The following MYB variants were observed in gnomAD, a reference collection of about 807,000 sequenced individuals.
MYB encodes transcriptional activator Myb.
In MYB, 28 loss-of-function variants were observed where a neutral mutation model predicts 92.9. The observed-to-expected ratio is 0.30, with a 90% CI of 0.22 to 0.41. The LOEUF (loss-of-function observed/expected upper bound fraction) is 0.41. Ranked by LOEUF, MYB falls within the 10% of genes least tolerant of loss-of-function variation. MYB has a pLI of 1.00. For missense variants in MYB, 679 were observed against 929.3 expected, an observed-to-expected ratio of 0.73 and a Z score of 3.50; for synonymous variants, 295 against 329.1, an observed-to-expected ratio of 0.90 and a Z score of 1.12.
chr6:135,193,311 T>A (rs1467263583), intron 6 of MYB, among the ~76,000 whole-genome samples: 1 of 152,206 alleles, frequency 6.6e-6, no homozygotes, highest in Non-Finnish European at 1.5e-5. Flanking sequence ...AGAGCTCATA[T>A]GCAAATTATA....
At chr6:135,191,102 C>G (rs757024548) in intron 5 of MYB, among the ~76,000 whole-genome samples, 5 of 152,214 alleles carry the variant, frequency 3.3e-5, no homozygotes, top group African/African-American at 9.7e-5. Flanking sequence ...CACCAGTATT[C>G]ATTTCATTAT....
intron 15 of MYB, among the ~76,000 whole-genome samples, chr6:135,208,546 G>GT (rs567088347): frequency 0.57 from 77,023 of 134,586 alleles, 22,560 homozygotes; most frequent in African/African-American, 0.75. Context: ...TGCCCAGCTA[G>GT]TTTTTTTTTT....
intron 15 of MYB, among the ~76,000 whole-genome samples, chr6:135,204,108 G>A (rs191197238): frequency 1.3e-5 from 2 of 152,276 alleles, no homozygotes; most frequent in Admixed American, 1.3e-4. Flanking sequence ...GAAGAGCCTG[G>A]ATTCAGAAGC....
At chr6:135,194,882 A>G (rs1355475134) in intron 8 of MYB, 3 of 1,189,548 alleles carry the variant, frequency 2.5e-6, no homozygotes, top group Admixed American at 2.8e-5. Flanking sequence ...CATGTTCAGT[A>G]TATACATGTA....
rs758697644 is a variant in MYB at position 135,200,402 on chromosome 6, A to G, written c.1937A>G (p.Lys646Arg). ...GAAAATGGACCACCCTTACTGAAGA[A>G]AATCAAACAAGAGGTAAACACGCAA... Reference protein sequence around the residue: ...FQENGPPLLKKIKQEVESPTD... With the variant: ...FQENGPPLLKRIKQEVESPTD... The change falls in exon 13 of 16, where the codon AAA becomes AGA. Residue 646 changes from lysine to arginine, a missense_variant. Physicochemically the swap from Lys to Arg is conservative, Grantham distance 26 (BLOSUM62 2). Around this residue, in one of 8 missense-constraint regions of MYB, gnomAD observed 402 missense variants for 434.2 expected, o/e 0.93. Coordinates refer to ENST00000341911, the MANE Select transcript of MYB (RefSeq NM_001130173.2). 1 of 1,614,144 alleles carries G rather than the reference A, an allele frequency of 6.2e-7. No homozygotes were observed. Among genetic ancestry groups the G allele is most frequent in the Non-Finnish European group, 8.5e-7 (1 of 1,180,036 alleles).
At position 135,181,683 on chromosome 6, in the gene MYB, G is replaced by A; in HGVS notation, c.23+147G>A. On this transcript the variant is annotated intron_variant, in intron 1 of 15. Coordinates refer to ENST00000341911, the MANE Select transcript of MYB (RefSeq NM_001130173.2). The surrounding 1 kb of genome is among the most constrained non-coding windows in gnomAD (Gnocchi z 5.3). Reference sequence around the variant, plus strand: ...AGGACCTGGAGCCCCTGCCTCGGCAGCAGAAGCCGCTCCAGAGACTGATGA... The same window carrying A: ...AGGACCTGGAGCCCCTGCCTCGGCAACAGAAGCCGCTCCAGAGACTGATGA... The A allele has an allele frequency of 5.4e-6, 2 of 371,678 alleles. No homozygotes were observed. Among genetic ancestry groups the A allele is most frequent in the Non-Finnish European group, 8.0e-6 (2 of 248,856 alleles). 23.0% of individuals were successfully genotyped at this position (371,678 alleles called of 1,614,324 possible). A position where few individuals can be genotyped will look rare whatever the true frequency, so the allele number is the denominator to read the frequency against.
In MYB at chr6:135,195,802, C is replaced by A; in HGVS notation, c.1003C>A (p.His335Asn). 6.2e-7 allele frequency: 1 copy of A among 1,614,148 alleles called. No homozygotes were observed. The highest frequency in any genetic ancestry group is 8.5e-7 in the Non-Finnish European group (1 of 1,180,026). ...PGWHSTTIADHTRPHGDSAPV... is the reference protein window; with the variant it reads ...PGWHSTTIADNTRPHGDSAPV... Reference sequence around the variant, plus strand: ...GTGGCACAGCACCACCATTGCCGACCACACCAGACCTCATGGAGACAGTGC... The same window carrying A: ...GTGGCACAGCACCACCATTGCCGACAACACCAGACCTCATGGAGACAGTGC... Residue 335 changes from histidine to asparagine, a missense_variant, in exon 9 of 16, where the codon CAC (histidine) becomes AAC (asparagine). By Grantham distance (68) the His-to-Asn change is moderately conservative. Transcript: ENST00000341911.
Position 135,197,118 on chromosome 6 carries a change from G to GT in MYB, c.1362dup (p.Met455TyrfsTer4), listed in dbSNP as rs748249004. The GT allele has an allele frequency of 3.7e-6, 6 of 1,613,872 alleles. No homozygotes were observed. In the African/African-American group the frequency reaches 8.0e-5, roughly 22 times the overall value. ...GAACCTAGCCCAAGGGTGAACAAAC[G>GT]TATGTTGAGTGAGAGTTCACTTGAC... On this transcript the variant is annotated frameshift_variant, in exon 10 of 16. Coordinates refer to ENST00000341911, the MANE Select transcript of MYB (RefSeq NM_001130173.2). LOFTEE classifies it high-confidence loss of function.
At position 135,201,533 on chromosome 6, in the gene MYB, A is replaced by G. The variant is rs1460082531; in HGVS notation, c.1951-106A>G. 4 of 619,180 alleles carry G rather than the reference A, an allele frequency of 6.5e-6. No individual in the cohort carries two copies. The Admixed American group carries it at 9.2e-5, about 14-fold the overall frequency. The allele number at this position is 619,180 out of a possible 1,614,324, so 38.4% of individuals were successfully genotyped here. ...TGAGCTGATAGTGTAAGTTAGCAAC[A>G]TAGTTTTATAAAAGTATTTGAGGGA... is the stretch of plus-strand genomic sequence containing the variant. On this transcript the variant is annotated intron_variant, in intron 13 of 15. Coordinates refer to ENST00000341911, the MANE Select transcript of MYB (RefSeq NM_001130173.2).
At chr6:135,193,803 A>G in intron 6 of MYB, 35 bp from the exon 7 acceptor site, 1 of 1,483,688 alleles carries the variant, frequency 6.7e-7, no homozygotes, top group Non-Finnish European at 9.4e-7. Context: ...TGTAGCCCTG[A>G]ATGACGTGGC....
intron 15 of MYB, among the ~76,000 whole-genome samples, chr6:135,216,229 C>A (rs1347846448): frequency 6.6e-6 from 1 of 152,122 alleles, no homozygotes; most frequent in Non-Finnish European, 1.5e-5. Context: ...TGTTTCAGAA[C>A]CCGCAAGGAC....
At chr6:135,214,111 C>CA (rs1374669089) in intron 15 of MYB, among the ~76,000 whole-genome samples, 21 of 151,906 alleles carry the variant, frequency 1.4e-4, no homozygotes, top group Admixed American at 7.9e-4. Context: ...CCGCTCTCTA[C>CA]AAAAAATTTT....
intron 6 of MYB, 38 bp downstream of exon 6, chr6:135,192,596 C>T (rs1375090094): frequency 1.2e-5 from 19 of 1,576,524 alleles, no homozygotes; most frequent in African/African-American, 9.4e-5. Flanking sequence ...ATGAGAGAGA[C>T]GGTTAGTTTA....
At chr6:135,200,670 A>G in intron 13 of MYB, 2 of 515,522 alleles carry the variant, frequency 3.9e-6, no homozygotes, top group Non-Finnish European at 7.1e-6. Context: ...AAGGGAGGGA[A>G]AGAGGTTTTT....
intron 15 of MYB, among the ~76,000 whole-genome samples, chr6:135,208,061 A>ATTTTTTAATTTT (rs1224532312): frequency 0.091 from 12,074 of 132,740 alleles, 590 homozygotes; most frequent in South Asian, 0.13. Context: ...TTTTATTTTT[A>ATTTTTTAATTTT]TTTTTTAATT....
chr6:135,196,580 T>C, intron 9 of MYB: 1 of 427,588 alleles, frequency 2.3e-6, no homozygotes, highest in Non-Finnish European at 4.2e-6. Context: ...TGAAACAAAT[T>C]TGTATTCAGC....
chr6:135,181,869 GT>G lies in MYB; in HGVS notation c.23+334del, dbSNP rs1443298750. Among the ~76,000 whole-genome samples, 1 of 152,244 alleles carries G rather than the reference GT, an allele frequency of 6.6e-6. No homozygotes were observed. Among genetic ancestry groups the G allele is most frequent in the Non-Finnish European group, 1.5e-5 (1 of 68,036 alleles). ...CCACCAGCCCCGGGGAGCCCACCAG[GT>G]GCCTGGCTTGATGCCGCGGGTGTCG... is the stretch of plus-strand genomic sequence containing the variant. On this transcript the variant is annotated intron_variant, in intron 1 of 15. Transcript: ENST00000341911. The surrounding 1 kb of genome is among the most constrained non-coding windows in gnomAD (Gnocchi z 5.3).
chr6:135,190,089 CT>C lies in MYB; in HGVS notation c.307-35del, dbSNP rs747355606. ...ATGATTATACTGACTCATTACATAA[CT>C]TTAAAACATAGGTTATTTTTGTGTG... On this transcript the variant is annotated intron_variant, in intron 4 of 15. Transcript: ENST00000341911. This position sits in a 1 kb window ranked among gnomAD's most constrained non-coding sequence, Gnocchi z 4.5. The C allele has an allele frequency of 6.3e-7, 1 of 1,598,964 alleles. No homozygotes were observed. Among genetic ancestry groups the C allele is most frequent in the South Asian group, 1.1e-5 (1 of 90,192 alleles).
intron 9 of MYB, 140 bp downstream of exon 9, chr6:135,196,142 A>G (rs1415730115): frequency 2.2e-6 from 2 of 903,658 alleles, no homozygotes; most frequent in Non-Finnish European, 3.3e-6. Flanking sequence ...TTTCATCTTC[A>G]TGAATATGTT....
Sources: gnomAD v4.1 joint callset for allele counts (sites outside exome capture counted in the v4.1 genomes callset) on GRCh38, gnomAD v4.1.1 for gene constraint, gnomAD v4.1.1 regional missense constraint, Gnocchi (gnomAD v3.1) non-coding constraint, MANE v1.5 for transcripts, NCBI Gene and HGNC (gene_info 2026-07-23, HGNC 2026-07-21) for gene names.